CEP78: variants seen among roughly 807,000 people sequenced by gnomAD.
The protein encoded by CEP78 is centrosomal protein of 78 kDa.
Under a neutral mutation model 81.2 loss-of-function variants are expected in CEP78, and 76 were observed. The ratio of observed to expected loss-of-function variants is 0.94; its 90% CI spans 0.78 to 1.13. CEP78 has a LOEUF of 1.13. CEP78 is among the 50% of genes most tolerant of loss of function. The pLI is 0.00. For synonymous variants in CEP78, 293 were observed against 301.4 expected (o/e 0.97, Z 0.29); for missense variants, 918 against 846.8 (o/e 1.08, Z -1.04).
intron 10 of CEP78, chr9:78,253,739 A>T (rs1274469264): frequency 1.3e-5 from 2 of 153,616 alleles, no homozygotes; most frequent in Non-Finnish European, 2.9e-5. Flanking sequence ...GATCAAACAC[A>T]TTCCCTGTCA....
chr9:78,253,173 G>A, intron 9 of CEP78, 59 bp from the exon 10 acceptor site: 1 of 762,432 alleles, frequency 1.3e-6, no homozygotes, highest in Admixed American at 2.0e-5. Context: ...TTATTACCTA[G>A]TGTTAACTGG....
In CEP78 at chr9:78,272,993, A is replaced by G. The variant is rs1193595278; in HGVS notation, c.*2142A>G. On this transcript the variant is annotated 3_prime_UTR_variant, in exon 17 of 17. Transcript: ENST00000643273. ...CAGACCAGGGAAGTGCAGAATTGCC[A>G]TTTGCCATGAGAAGAGAGGGAAGCA... The G allele has an allele frequency of 6.6e-6, 1 of 152,228 alleles. No individual in the cohort carries two copies. Among genetic ancestry groups the G allele is most frequent in the Non-Finnish European group, 1.5e-5 (1 of 68,044 alleles). The allele number at this position is 152,228 out of a possible 1,614,324, so 9.4% of individuals were successfully genotyped here.
At chr9:78,248,223 G>GT (rs1826587787) in intron 6 of CEP78, 68 bp from the exon 7 acceptor site, 3 of 813,704 alleles carry the variant, frequency 3.7e-6, no homozygotes, top group African/African-American at 3.5e-5. Context: ...GTTGGCTTTT[G>GT]TTTTTAAATG....
intron 14 of CEP78, 118 bp downstream of exon 14, chr9:78,265,661 T>G (rs1005276606): frequency 1.0e-6 from 1 of 971,682 alleles, no homozygotes; most frequent in African/African-American, 1.7e-5. Flanking sequence ...GAAGCATCTT[T>G]GGGGTCCTTT....
intron 11 of CEP78, among the ~76,000 whole-genome samples, chr9:78,260,434 G>A (rs1827221512): frequency 6.6e-6 from 1 of 152,158 alleles, no homozygotes; most frequent in African/African-American, 2.4e-5. Flanking sequence ...TTGGCCAGGT[G>A]CGGTGGCTCA....
chr9:78,239,995 C>A, intron 1 of CEP78, 28 bp from the exon 2 acceptor site: 1 of 1,524,734 alleles, frequency 6.6e-7, no homozygotes, highest in Non-Finnish European at 8.8e-7. Flanking sequence ...TGATTGAAGT[C>A]ACTAACTTTC....
At chr9:78,238,571 T>G (rs1826070138) in intron 1 of CEP78, among the ~76,000 whole-genome samples, 1 of 152,112 alleles carries the variant, frequency 6.6e-6, no homozygotes, top group South Asian at 2.1e-4. Context: ...TGATTATTGA[T>G]GTATTTAAAA....
In CEP78 at chr9:78,271,649, A is replaced by G. The variant is rs1310518380; in HGVS notation, c.*798A>G. On this transcript the variant is annotated 3_prime_UTR_variant, in exon 17 of 17. Coordinates refer to ENST00000643273, the MANE Select transcript of CEP78 (RefSeq NM_001330691.3). ...TAATTACTTAGAAAAAATCTTTCTC[A>G]GAGTAACTAAGCAAAATGAACAATG... The G allele has an allele frequency of 1.3e-5, 2 of 152,110 alleles. No homozygotes were observed. The highest frequency in any genetic ancestry group is 1.3e-4 in the Admixed American group (2 of 15,296). The allele number at this position is 152,110 out of a possible 1,614,324, so 9.4% of individuals were successfully genotyped here.
Position 78,279,529 on chromosome 9 carries a change from T to G in CEP78, c.*8678T>G, listed in dbSNP as rs1237831452. Reference sequence around the variant, plus strand: ...TGAGGCCTGAGAGGTATTGATTCACTTGGTTGAGGGCTTCAAGTAGCACAA... The same window carrying G: ...TGAGGCCTGAGAGGTATTGATTCACGTGGTTGAGGGCTTCAAGTAGCACAA... On this transcript the variant is annotated 3_prime_UTR_variant, in exon 17 of 17. Coordinates refer to ENST00000643273, the MANE Select transcript of CEP78 (RefSeq NM_001330691.3). 1 of 152,236 alleles carries G rather than the reference T, an allele frequency of 6.6e-6. No homozygotes were observed. The highest frequency in any genetic ancestry group is 2.4e-5 in the African/African-American group (1 of 41,474). The allele number at this position is 152,236 out of a possible 1,614,324, so 9.4% of individuals were successfully genotyped here. A position where few individuals can be genotyped will look rare whatever the true frequency, so the allele number is the denominator to read the frequency against.
Position 78,236,145 on chromosome 9 carries a change from G to A in CEP78, c.-206G>A. On this transcript the variant is annotated 5_prime_UTR_variant, in exon 1 of 17. Transcript: ENST00000643273. ...TGCTTGGGCCGCAGGGCGGGAGGCAGCGCGGGAGTGGGGCGTTGAGGGGCC... is the reference window on the plus strand; with the variant it reads ...TGCTTGGGCCGCAGGGCGGGAGGCAACGCGGGAGTGGGGCGTTGAGGGGCC... 1 of 557,516 alleles carries A rather than the reference G, an allele frequency of 1.8e-6. No individual in the cohort carries two copies. The highest frequency in any genetic ancestry group is 2.2e-5 in the South Asian group (1 of 46,082). 34.5% of individuals were successfully genotyped at this position (557,516 alleles called of 1,614,324 possible).
rs765352298 is a variant in CEP78, at chr9:78,236,497, C to T, written c.147C>T (p.Arg49=). ...REGVLDFNAD[R]LRGVDWAPLL... ...GCGTGCTGGATTTCAACGCCGACCGCCTCCGCGGGGTGGACTGGGCGCCTC... is the reference window on the plus strand; with the variant it reads ...GCGTGCTGGATTTCAACGCCGACCGTCTCCGCGGGGTGGACTGGGCGCCTC... The change falls in exon 1 of 17, where the codon CGC becomes CGT. Residue 49 remains arginine, a synonymous_variant. Coordinates refer to ENST00000643273, the MANE Select transcript of CEP78 (RefSeq NM_001330691.3). 3 of 1,607,176 alleles carry T rather than the reference C, an allele frequency of 1.9e-6. No individual in the cohort carries two copies. Among genetic ancestry groups the T allele is most frequent in the Middle Eastern group, 1.7e-4 (1 of 6,044 alleles).
rs529186681 is a variant in CEP78 at position 78,276,445 on chromosome 9, T to C, written c.*5594T>C. 3 of 151,600 alleles carry C rather than the reference T, an allele frequency of 2.0e-5. No homozygotes were observed. Among genetic ancestry groups the C allele is most frequent in the African/African-American group, 7.2e-5 (3 of 41,434 alleles). 9.4% of individuals were successfully genotyped at this position (151,600 alleles called of 1,614,324 possible). Reference sequence around the variant, plus strand: ...GTTTTTGCTAAGATAAAAACGGTACTAAAAAGTACACATTTTGGGAAATGA... The same window carrying C: ...GTTTTTGCTAAGATAAAAACGGTACCAAAAAGTACACATTTTGGGAAATGA... On this transcript the variant is annotated 3_prime_UTR_variant, in exon 17 of 17. Transcript: ENST00000643273.
intron 5 of CEP78, among the ~76,000 whole-genome samples, chr9:78,244,088 CTG>C (rs1204425273): frequency 2.0e-5 from 3 of 148,088 alleles, no homozygotes; most frequent in Non-Finnish European, 4.4e-5. Flanking sequence ...ATAAACAACT[CTG>C]TAGTAAACTC....
chr9:78,252,452 T>G (rs12002346), intron 9 of CEP78, among the ~76,000 whole-genome samples: 14,408 of 152,258 alleles, frequency 0.095, 789 homozygotes, highest in African/African-American at 0.14. Context: ...AGACTTAATC[T>G]AACTCAGCCA....
chr9:78,245,076 G>T (rs1188816821), intron 5 of CEP78, among the ~76,000 whole-genome samples: 1 of 152,058 alleles, frequency 6.6e-6, no homozygotes, highest in Non-Finnish European at 1.5e-5. Flanking sequence ...TTCTTCTGCA[G>T]CAAGAGTTTG....
At chr9:78,254,321 G>T (rs1053023443) in intron 10 of CEP78, among the ~76,000 whole-genome samples, 2 of 151,994 alleles carry the variant, frequency 1.3e-5, no homozygotes, top group African/African-American at 4.8e-5. Flanking sequence ...TCCTGCCTTG[G>T]CCTCCCATAG....
At position 78,273,462 on chromosome 9, in the gene CEP78, A is replaced by C. The variant is rs1306230401; in HGVS notation, c.*2611A>C. 6.6e-6 allele frequency: 1 copy of C among 152,136 alleles called. No individual in the cohort carries two copies. Among genetic ancestry groups the C allele is most frequent in the Non-Finnish European group, 1.5e-5 (1 of 68,022 alleles). The allele number at this position is 152,136 out of a possible 1,614,324, so 9.4% of individuals were successfully genotyped here. A position where few individuals can be genotyped will look rare whatever the true frequency, so the allele number is the denominator to read the frequency against. ...AAAAACTTGATGTTAGGCCGGGCGC[A>C]GCGGCTCACGCCTGTAATCCTAGCA... On this transcript the variant is annotated 3_prime_UTR_variant, in exon 17 of 17. Coordinates refer to ENST00000643273, the MANE Select transcript of CEP78 (RefSeq NM_001330691.3).
chr9:78,242,744 T>C (rs1218771891), intron 4 of CEP78, among the ~76,000 whole-genome samples: 3 of 152,172 alleles, frequency 2.0e-5, no homozygotes, highest in African/African-American at 7.2e-5. Flanking sequence ...AATCAGTGTT[T>C]CCTGTTACCG....
In CEP78 at chr9:78,254,968, C is replaced by A; in HGVS notation, c.1380+4C>A. Reference sequence around the variant, plus strand: ...TATAGAACAAGAAGCATTACAGGTACAAAGCTATCACTTTAAAGATATGGA... The same window carrying A: ...TATAGAACAAGAAGCATTACAGGTAAAAAGCTATCACTTTAAAGATATGGA... On this transcript the variant is annotated splice_donor_region_variant and intron_variant, in intron 11 of 16. Transcript: ENST00000643273. The A allele has an allele frequency of 6.2e-7, 1 of 1,603,510 alleles. No homozygotes were observed. Among genetic ancestry groups the A allele is most frequent in the East Asian group, 2.3e-5 (1 of 44,416 alleles).
Sources: gnomAD v4.1 joint callset for allele counts (sites outside exome capture counted in the v4.1 genomes callset) on GRCh38, gnomAD v4.1.1 for gene constraint, MANE v1.5 for transcripts, NCBI Gene and HGNC (gene_info 2026-07-23, HGNC 2026-07-21) for gene names.